Variants in FRMD6 observed in about 807,000 individuals in gnomAD.
The protein encoded by FRMD6 is FERM domain containing 6, also known as FERM domain-containing protein 6.
Under a neutral mutation model 73.2 loss-of-function variants are expected in FRMD6, and 37 were observed. The ratio of observed to expected loss-of-function variants is 0.51; its 90% CI spans 0.39 to 0.66. FRMD6 has a LOEUF of 0.66. Ranked by LOEUF, FRMD6 falls within the 30% of genes least tolerant of loss-of-function variation. FRMD6 has a pLI of 0.00. For missense variants in FRMD6, 714 were observed against 780.5 expected, an observed-to-expected ratio of 0.91 and a Z score of 1.02; for synonymous variants, 273 against 282.2, an observed-to-expected ratio of 0.97 and a Z score of 0.33.
At chr14:51,582,713 G>A (rs1274123957) in intron 2 of FRMD6, among the ~76,000 whole-genome samples, 1 of 152,156 alleles carries the variant, frequency 6.6e-6, no homozygotes, top group African/African-American at 2.4e-5. Flanking sequence ...CTTGGCATTG[G>A]CAGTTGGTTT....
At chr14:51,590,169 T>C (rs1023903313) in intron 2 of FRMD6, among the ~76,000 whole-genome samples, 7 of 152,284 alleles carry the variant, frequency 4.6e-5, no homozygotes, top group African/African-American at 1.7e-4. Context: ...AATAGGTTTG[T>C]AATTCCCAAT....
At chr14:51,544,085 T>C (rs1439496065) in intron 1 of FRMD6, among the ~76,000 whole-genome samples, 1 of 151,996 alleles carries the variant, frequency 6.6e-6, no homozygotes, top group African/African-American at 2.4e-5. Flanking sequence ...ATTTCACTGA[T>C]TGTCCCCCAT....
intron 2 of FRMD6, among the ~76,000 whole-genome samples, chr14:51,625,959 GC>G (rs1423564260): frequency 1.3e-5 from 2 of 152,190 alleles, no homozygotes; most frequent in Non-Finnish European, 2.9e-5. Context: ...TAAGTGTAAA[GC>G]TTGTGTTTAC....
rs998599844 is a variant in FRMD6, at chr14:51,729,742, G to A, written c.*1713G>A. 2.8e-4 allele frequency: 43 copies of A among 152,746 alleles called. No homozygotes were observed. Among genetic ancestry groups the A allele is most frequent in the African/African-American group, 9.1e-4 (38 of 41,570 alleles). 9.5% of individuals were successfully genotyped at this position (152,746 alleles called of 1,614,324 possible). On this transcript the variant is annotated 3_prime_UTR_variant, in exon 14 of 14. Coordinates refer to ENST00000344768, the MANE Select transcript of FRMD6 (RefSeq NM_001267046.2). ...GTATTATACAACAAATGGTGAGCTG[G>A]AACATGCCCTGTCTGTGCTGTCCCT...
the FRMD6 span, among the ~76,000 whole-genome samples, chr14:51,419,065 T>C: frequency 6.6e-6 from 1 of 152,160 alleles, no homozygotes; most frequent in Admixed American, 6.5e-5. Flanking sequence ...AGTGTCCTGT[T>C]TTTCCAGGTA....
At chr14:51,542,440 A>C (rs1886251091) in intron 1 of FRMD6, among the ~76,000 whole-genome samples, 1 of 152,082 alleles carries the variant, frequency 6.6e-6, no homozygotes, top group African/African-American at 2.4e-5. Flanking sequence ...AGATTCATCC[A>C]TTTGTATCAT....
the FRMD6 span, among the ~76,000 whole-genome samples, chr14:51,412,496 GA>G: frequency 6.6e-6 from 1 of 151,788 alleles, no homozygotes; most frequent in South Asian, 2.1e-4. Flanking sequence ...AAGAGAGGGG[GA>G]GGGAAAAACA....
chr14:51,724,771 G>C (rs1295385515), intron 12 of FRMD6, among the ~76,000 whole-genome samples: 1 of 151,352 alleles, frequency 6.6e-6, no homozygotes, highest in Non-Finnish European at 1.5e-5. Context: ...TATGGATCTA[G>C]GGCTTGACCT....
chr14:51,613,583 C>T (rs946429614), intron 2 of FRMD6, among the ~76,000 whole-genome samples: 3 of 152,030 alleles, frequency 2.0e-5, no homozygotes, highest in Non-Finnish European at 4.4e-5. Context: ...TTAGAGGTTT[C>T]CAAGGCAGCG....
At chr14:51,704,110 T>C (rs1896489332) in intron 5 of FRMD6, among the ~76,000 whole-genome samples, 1 of 152,046 alleles carries the variant, frequency 6.6e-6, no homozygotes, top group Non-Finnish European at 1.5e-5. Flanking sequence ...TGTAAAAACA[T>C]AACAGTAATG....
Position 51,581,429 on chromosome 14 carries a change from G to A in FRMD6, c.-147+11019G>A, listed in dbSNP as rs147039286. 8.9e-3 allele frequency among the ~76,000 whole-genome samples: 1,351 copies of A among 152,310 alleles called. 19 individuals carry two copies. Among genetic ancestry groups the A allele is most frequent in the African/African-American group, 0.03 (1,263 of 41,574 alleles). ...CTAAAGGGAAAATTAAACAAAGTGA[G>A]TCATCTCCAAGAAGTTTTATAATCA... On this transcript the variant is annotated intron_variant, in intron 2 of 14. Coordinates refer to the FRMD6 transcript ENST00000356218.
upstream of FRMD6, chr14:51,651,237 G>GC (rs1892348749): frequency 6.6e-6 from 1 of 152,374 alleles, no homozygotes; most frequent in Admixed American, 6.5e-5. Flanking sequence ...GGTAGAATTA[G>GC]AGGGGGAGGC....
the FRMD6 span, among the ~76,000 whole-genome samples, chr14:51,415,525 CT>C: frequency 6.6e-6 from 1 of 152,134 alleles, no homozygotes; most frequent in East Asian, 1.9e-4. Flanking sequence ...GGTGGATAAG[CT>C]TTTTGATGTG....
intron 1 of FRMD6, among the ~76,000 whole-genome samples, chr14:51,672,093 A>G (rs934347043): frequency 3.9e-5 from 6 of 152,234 alleles, no homozygotes; most frequent in African/African-American, 1.2e-4. Flanking sequence ...ACATGGCTTT[A>G]CCAGTATGAT....
the FRMD6 span, among the ~76,000 whole-genome samples, chr14:51,428,976 C>G: frequency 0.011 from 574 of 54,536 alleles, 1 homozygote; most frequent in South Asian, 0.021. Flanking sequence ...GGGTGAGAGA[C>G]AGAGGGGAGA....
chr14:51,722,177 TAG>T (rs1897665915), intron 12 of FRMD6, 97 bp downstream of exon 12: 1 of 1,264,056 alleles, frequency 7.9e-7, no homozygotes, highest in Middle Eastern at 1.9e-4. Flanking sequence ...CTGGGGGCCC[TAG>T]ACCAGAGACT....
At chr14:51,424,727 G>A in the FRMD6 span, among the ~76,000 whole-genome samples, 2 of 152,180 alleles carry the variant, frequency 1.3e-5, no homozygotes, top group African/African-American at 2.4e-5. Context: ...CATTCTTGCA[G>A]ATGTAAAAAA....
chr14:51,429,958 T>C, the FRMD6 span, among the ~76,000 whole-genome samples: 4 of 152,192 alleles, frequency 2.6e-5, no homozygotes, highest in Non-Finnish European at 5.9e-5. Flanking sequence ...AAAAGTTATG[T>C]CTACATCACT....
chr14:51,540,082 T>A (rs1361567658), intron 1 of FRMD6, among the ~76,000 whole-genome samples: 1 of 152,150 alleles, frequency 6.6e-6, no homozygotes, highest in Non-Finnish European at 1.5e-5. Flanking sequence ...TGGCAATAGT[T>A]AGAACGTGTT....
Sources: gnomAD v4.1 joint callset for allele counts (sites outside exome capture counted in the v4.1 genomes callset) on GRCh38, gnomAD v4.1.1 for gene constraint, MANE v1.5 for transcripts, NCBI Gene and HGNC (gene_info 2026-07-23, HGNC 2026-07-21) for gene names.